Variants in HORMAD2 observed in about 807,000 individuals in gnomAD.
HORMAD2 encodes the protein HORMA domain-containing protein 2.
Under a neutral mutation model 38.8 loss-of-function variants are expected in HORMAD2, and 45 were observed. The observed-to-expected ratio is 1.16, with a 90% CI of 0.91 to 1.49. HORMAD2 has a LOEUF of 1.49. Ranked by LOEUF, HORMAD2 falls within the 40% of genes most tolerant of loss-of-function variation. The probability of loss-of-function intolerance (pLI) is 0.00; values close to 1 mark genes in which losing one functional copy is unlikely to be tolerated. For missense variants in HORMAD2, 338 were observed against 367.0 expected, an observed-to-expected ratio of 0.92 and a Z score of 0.65; for synonymous variants, 126 against 122.8, an observed-to-expected ratio of 1.03 and a Z score of -0.17.
intron 10 of HORMAD2, among the ~76,000 whole-genome samples, chr22:30,129,964 A>G (rs1923161023): frequency 6.6e-6 from 1 of 152,190 alleles, no homozygotes; most frequent in South Asian, 2.1e-4. Context: ...CCTTTCCTGT[A>G]TCCTACATGG....
intron 7 of HORMAD2, among the ~76,000 whole-genome samples, chr22:30,118,465 A>G (rs1313357367): frequency 2.6e-5 from 4 of 152,158 alleles, no homozygotes; most frequent in East Asian, 1.9e-4. Context: ...GTACCTCTCT[A>G]TCACAGCATC....
chr22:30,133,480 ATATT>A (rs915173317), intron 10 of HORMAD2, among the ~76,000 whole-genome samples: 14 of 148,942 alleles, frequency 9.4e-5, no homozygotes, highest in African/African-American at 3.4e-4. Flanking sequence ...TATATATAAT[ATATT>A]TATTTATGAT....
chr22:30,102,938 A>G (rs1189820771), intron 3 of HORMAD2, among the ~76,000 whole-genome samples: 2 of 152,094 alleles, frequency 1.3e-5, no homozygotes, highest in Non-Finnish European at 2.9e-5. Context: ...CCTAAACCCA[A>G]ACTCTTAATA....
chr22:30,150,028 T>C lies in HORMAD2; in HGVS notation c.820-26035T>C, dbSNP rs1375048170. On this transcript the variant is annotated intron_variant, in intron 10 of 10. Coordinates refer to ENST00000336726, the MANE Select transcript of HORMAD2 (RefSeq NM_152510.4). Reference sequence around the variant, plus strand: ...GTAGGTCTATTTTTATCCTTTTTTTTTGCGGTAGGCACTCAGTGTCTTTTA... The same window carrying C: ...GTAGGTCTATTTTTATCCTTTTTTTCTGCGGTAGGCACTCAGTGTCTTTTA... 4.6e-5 allele frequency among the ~76,000 whole-genome samples: 7 copies of C among 152,274 alleles called. No homozygotes were observed. In the East Asian group the frequency reaches 1.4e-3, roughly 29 times the overall value.
intron 10 of HORMAD2, among the ~76,000 whole-genome samples, chr22:30,129,844 A>G (rs965539305): frequency 6.6e-6 from 1 of 152,014 alleles, no homozygotes; most frequent in African/African-American, 2.4e-5. Flanking sequence ...TCATATTTTG[A>G]TTGGCAGTGA....
intron 10 of HORMAD2, among the ~76,000 whole-genome samples, chr22:30,132,451 G>A (rs368303334): frequency 3.3e-5 from 5 of 150,934 alleles, no homozygotes; most frequent in East Asian, 4.0e-4. Flanking sequence ...CACGAGAATC[G>A]TTTGAACCTG....
intron 10 of HORMAD2, among the ~76,000 whole-genome samples, chr22:30,133,054 T>C (rs1365596368): frequency 6.6e-6 from 1 of 152,190 alleles, no homozygotes; most frequent in Non-Finnish European, 1.5e-5. Context: ...ATGTTATCAT[T>C]ACACCAAAAT....
chr22:30,091,266 C>CTTT (rs67947501), intron 1 of HORMAD2, among the ~76,000 whole-genome samples: 32 of 114,002 alleles, frequency 2.8e-4, no homozygotes, highest in Middle Eastern at 4.5e-3. Context: ...CTCTTTCTTT[C>CTTT]TTTTTTTTTT....
intron 7 of HORMAD2, among the ~76,000 whole-genome samples, chr22:30,117,145 A>G (rs1922102414): frequency 6.6e-6 from 1 of 152,224 alleles, no homozygotes; most frequent in Non-Finnish European, 1.5e-5. Flanking sequence ...CAATTTTCCC[A>G]AGATCTGATC....
rs545148119 is a variant in HORMAD2 at position 30,096,481 on chromosome 22, A to ATT, written c.52-2359_52-2358dup. The stretch of plus-strand genomic sequence containing the variant: ...GGGTGTGTAGTATTCTCTCATTGTG[A>ATT]TTTTTTTTTTTTTGACAGTCTCACT... On this transcript the variant is annotated intron_variant, in intron 2 of 10. Coordinates refer to ENST00000336726, the MANE Select transcript of HORMAD2 (RefSeq NM_152510.4). Among the ~76,000 whole-genome samples the ATT allele has an allele frequency of 6.4e-4, 92 of 144,862 alleles. 1 individual carries two copies. The highest frequency in any genetic ancestry group is 2.2e-3 in the South Asian group (10 of 4,576).
intron 10 of HORMAD2, among the ~76,000 whole-genome samples, chr22:30,147,623 T>A (rs544259130): frequency 7.9e-5 from 12 of 152,066 alleles, no homozygotes; most frequent in African/African-American, 2.9e-4. Context: ...TTCATCATAA[T>A]AAAAAAACTT....
At chr22:30,108,726 T>A (rs1237071213) in intron 5 of HORMAD2, among the ~76,000 whole-genome samples, 1 of 152,224 alleles carries the variant, frequency 6.6e-6, no homozygotes, top group Admixed American at 6.5e-5. Context: ...CCCCTGCTAG[T>A]CTAAATGTTC....
chr22:30,172,706 G>A (rs1926185750), intron 10 of HORMAD2, among the ~76,000 whole-genome samples: 1 of 152,026 alleles, frequency 6.6e-6, no homozygotes, highest in Non-Finnish European at 1.5e-5. Context: ...TGGCCAATAT[G>A]GTAAAACCCT....
chr22:30,116,489 GA>G (rs1922053891), intron 7 of HORMAD2, among the ~76,000 whole-genome samples: 1 of 151,916 alleles, frequency 6.6e-6, no homozygotes, highest in Non-Finnish European at 1.5e-5. Context: ...GGGAGAAGGA[GA>G]GGCTGCATAT....
chr22:30,194,841 T>C, the HORMAD2 span, among the ~76,000 whole-genome samples: 7 of 152,164 alleles, frequency 4.6e-5, no homozygotes, highest in African/African-American at 7.2e-5. Context: ...TCCTGATTTT[T>C]ATAGCCCGTG....
At chr22:30,131,603 A>C (rs1923288299) in intron 10 of HORMAD2, among the ~76,000 whole-genome samples, 2 of 152,172 alleles carry the variant, frequency 1.3e-5, no homozygotes, top group Non-Finnish European at 2.9e-5. Context: ...TTTTCTTATA[A>C]GAGCCACAAG....
intron 1 of HORMAD2, among the ~76,000 whole-genome samples, chr22:30,090,439 A>G (rs1394373324): frequency 4.6e-5 from 7 of 152,194 alleles, no homozygotes; most frequent in African/African-American, 1.2e-4. Context: ...TTATCCATTC[A>G]TCTTTTAATA....
chr22:30,197,010 T>C, the HORMAD2 span, among the ~76,000 whole-genome samples: 4 of 152,318 alleles, frequency 2.6e-5, no homozygotes, highest in African/African-American at 9.6e-5. Flanking sequence ...GGCCCTAGTC[T>C]AGCTTCTGGT....
At chr22:30,108,839 T>C (rs538811507) in intron 5 of HORMAD2, among the ~76,000 whole-genome samples, 25 of 152,226 alleles carry the variant, frequency 1.6e-4, no homozygotes, top group Non-Finnish European at 2.9e-4. Context: ...GGCCACACAG[T>C]GGCAGTAAAG....
Sources: allele counts gnomAD v4.1 joint callset (sites outside exome capture counted in the v4.1 genomes callset), GRCh38; gene constraint gnomAD v4.1.1; transcripts MANE v1.5; gene names NCBI Gene and HGNC (gene_info 2026-07-23, HGNC 2026-07-21).